The following OR9G1 variants were observed in gnomAD, a reference collection of about 807,000 sequenced individuals.
The protein encoded by OR9G1 is olfactory receptor family 9 subfamily G member 1, also known as olfactory receptor 9G1.
A neutral mutation model predicts 14.5 loss-of-function variants in OR9G1; 21 were observed. That is an observed-to-expected ratio of 1.45 (90% confidence interval 1.03 to 2.09). The LOEUF (loss-of-function observed/expected upper bound fraction) is 2.09. Ranked by LOEUF, OR9G1 falls within the 30% of genes most tolerant of loss-of-function variation. The pLI is 0.00. For synonymous variants in OR9G1, 179 were observed against 153.3 expected (o/e 1.17, Z -1.24); for missense variants, 476 against 364.2 (o/e 1.31, Z -2.50).
Position 56,701,320 on chromosome 11 carries a change from C to T in OR9G1, c.*15C>T, listed in dbSNP as rs757069162. ...TTCTCCCATAAATCAAGATTATCTC[C>T]ACCAGAGGAGAAACAAAGACGACCT... On this transcript the variant is annotated 3_prime_UTR_variant, in exon 2 of 2. Transcript: ENST00000642097. 1 of 1,582,096 alleles carries T rather than the reference C, an allele frequency of 6.3e-7. No homozygotes were observed. Among genetic ancestry groups the T allele is most frequent in the Non-Finnish European group, 8.5e-7 (1 of 1,169,806 alleles).
In OR9G1 at chr11:56,701,017, A is replaced by T. The variant is rs10792053; in HGVS notation, c.630A>T (p.Ala210=). The T allele has an allele frequency of 6.2e-7, 1 of 1,605,984 alleles. No homozygotes were observed. Among genetic ancestry groups the T allele is most frequent in the Non-Finnish European group, 8.5e-7 (1 of 1,176,034 alleles). ...FLLASNVICP[A]VLILASYLFI... ...TGGCCTCCAATGTCATCTGCCCCGC[A>T]GTGCTCATCCTGGCCTCCTACCTCT... Residue 210 remains alanine, a synonymous_variant, in exon 2 of 2, where the codon GCA becomes GCT. Coordinates refer to ENST00000642097, the MANE Select transcript of OR9G1 (RefSeq NM_001005213.2).
At chr11:56,700,331 G>A in intron 1 of OR9G1, 39 bp from the exon 2 acceptor site, 2 of 1,596,632 alleles carry the variant, frequency 1.3e-6, no homozygotes, top group South Asian at 2.3e-5. Context: ...ACATATTCAT[G>A]ACAGTAATGC....
chr11:56,701,330 G>A lies in OR9G1; in HGVS notation c.*25G>A. 1.3e-6 allele frequency: 2 copies of A among 1,572,696 alleles called. No individual in the cohort carries two copies. Among genetic ancestry groups the A allele is most frequent in the Non-Finnish European group, 1.7e-6 (2 of 1,166,522 alleles). On this transcript the variant is annotated 3_prime_UTR_variant, in exon 2 of 2. Coordinates refer to ENST00000642097, the MANE Select transcript of OR9G1 (RefSeq NM_001005213.2). ...AATCAAGATTATCTCCACCAGAGGA[G>A]AAACAAAGACGACCTTAGATGGAGT...
rs781524500 is a variant in OR9G1 at position 56,701,169 on chromosome 11, C to G, written c.782C>G (p.Pro261Arg). The change falls in exon 2 of 2, where the codon CCC (proline) becomes CGC (arginine). Residue 261 changes from proline (P) to arginine (R), a missense_variant. This residue lies in a region of OR9G1 where 352 missense variants were observed against 211.6 expected (regional missense o/e 1.66). Transcript: ENST00000642097. ...TCCATTCTCTACATCTACGCTCTCC[C>G]CAGATCTAGCTATTCTTTTGATATG... is the stretch of plus-strand genomic sequence containing the variant. ...YGSILYIYAL[P>R]RSSYSFDMDK... 1.1e-5 allele frequency: 18 copies of G among 1,614,314 alleles called. No homozygotes were observed. Among genetic ancestry groups the G allele is most frequent in the African/African-American group, 1.3e-5 (1 of 75,088 alleles).
Position 56,701,172 on chromosome 11 carries a change from G to C in OR9G1, c.785G>C (p.Arg262Thr), listed in dbSNP as rs769664512. The C allele has an allele frequency of 6.2e-6, 10 of 1,614,306 alleles. No individual in the cohort carries two copies. In the East Asian group the frequency reaches 1.3e-4, roughly 22 times the overall value. The change falls in exon 2 of 2, where the codon AGA (arginine) becomes ACA (threonine). Residue 262 changes from arginine to threonine, a missense_variant. This residue lies in a region of OR9G1 where 352 missense variants were observed against 211.6 expected (regional missense o/e 1.66). Transcript: ENST00000642097. ...GSILYIYALP[R>T]SSYSFDMDKI... ...ATTCTCTACATCTACGCTCTCCCCA[G>C]ATCTAGCTATTCTTTTGATATGGAC...
At chr11:56,700,332 A>C in intron 1 of OR9G1, 38 bp from the exon 2 acceptor site, 1 of 1,597,312 alleles carries the variant, frequency 6.3e-7, no homozygotes, top group Non-Finnish European at 8.5e-7. Flanking sequence ...CATATTCATG[A>C]CAGTAATGCA....
chr11:56,700,269 G>C, intron 1 of OR9G1, 101 bp from the exon 2 acceptor site: 1 of 1,460,378 alleles, frequency 6.8e-7, no homozygotes, highest in Non-Finnish European at 9.1e-7. Context: ...TTAGATTGTT[G>C]GTTCTAGACT....
chr11:56,701,362 T>C lies in OR9G1; in HGVS notation c.*57T>C. ...AGACGACCTTAGATGGAGTGTTGTG[T>C]ATTTCAAACAGAGTTACCATTGTGC... On this transcript the variant is annotated 3_prime_UTR_variant, in exon 2 of 2. Coordinates refer to ENST00000642097, the MANE Select transcript of OR9G1 (RefSeq NM_001005213.2). The C allele has an allele frequency of 1.3e-6, 2 of 1,530,154 alleles. No individual in the cohort carries two copies. Among genetic ancestry groups the C allele is most frequent in the Non-Finnish European group, 1.7e-6 (2 of 1,149,658 alleles). The allele number at this position is 1,530,154 out of a possible 1,614,324, so 94.8% of individuals were successfully genotyped here.
In OR9G1 at chr11:56,702,998, C is replaced by T. The variant is rs1857668877; in HGVS notation, c.*1693C>T. 1.3e-5 allele frequency: 1 copy of T among 77,276 alleles called. No individual in the cohort carries two copies. Among genetic ancestry groups the T allele is most frequent in the South Asian group, 4.2e-4 (1 of 2,398 alleles). 4.8% of individuals were successfully genotyped at this position (77,276 alleles called of 1,614,324 possible). On this transcript the variant is annotated 3_prime_UTR_variant, in exon 2 of 2. Coordinates refer to ENST00000642097, the MANE Select transcript of OR9G1 (RefSeq NM_001005213.2). ...GTTCAATCTACAATGTATACATGTA[C>T]TGAAGCATTGTCTTTTACCCCATAC...
intron 1 of OR9G1, among the ~76,000 whole-genome samples, chr11:56,700,050 T>C (rs1401914344): frequency 3.9e-5 from 6 of 152,302 alleles, no homozygotes; most frequent in African/African-American, 9.6e-5. Flanking sequence ...TACTTAAAAA[T>C]AGAAATGTAC....
chr11:56,699,557 T>C (rs1164519834), intron 1 of OR9G1, among the ~76,000 whole-genome samples: 2 of 152,312 alleles, frequency 1.3e-5, no homozygotes, highest in Non-Finnish European at 2.9e-5. Context: ...GAGAAGTTAG[T>C]CTGTCAAGAA....
intron 1 of OR9G1, 51 bp downstream of exon 1, chr11:56,699,241 G>C (rs1162552996): frequency 1.3e-5 from 2 of 152,488 alleles, no homozygotes; most frequent in African/African-American, 4.8e-5. Context: ...GAAGGAGTGA[G>C]AAACTATGAC....
rs764550957 is a variant in OR9G1 at position 56,700,474 on chromosome 11, G to A, written c.87G>A (p.Val29=). Residue 29 remains valine (V), a synonymous_variant, in exon 2 of 2, where the codon GTG becomes GTA. Transcript: ENST00000642097. ...GAATGCAGCTGGGCCTCTTCGTGGT[G>A]TTCCTGGGCGTGTACTCTCTCACTG... The part of the protein sequence containing the change: ...DPGMQLGLFV[V]FLGVYSLTVV... 12 of 1,614,182 alleles carry A rather than the reference G, an allele frequency of 7.4e-6. No individual in the cohort carries two copies. The highest frequency in any genetic ancestry group is 4.0e-5 in the African/African-American group (3 of 74,968).
chr11:56,703,618 A>G lies in OR9G1; in HGVS notation c.*2313A>G, dbSNP rs1402576660. ...TACATCATTCCAGAGGGAAGCATCA[A>G]TTGCAGAAAGTAAAACTGATGTGAC... On this transcript the variant is annotated 3_prime_UTR_variant, in exon 2 of 2. Transcript: ENST00000642097. 1 of 152,324 alleles carries G rather than the reference A, an allele frequency of 6.6e-6. No individual in the cohort carries two copies. Among genetic ancestry groups the G allele is most frequent in the Non-Finnish European group, 1.5e-5 (1 of 68,068 alleles). The allele number at this position is 152,324 out of a possible 1,614,324, so 9.4% of individuals were successfully genotyped here. A position where few individuals can be genotyped will look rare whatever the true frequency, so the allele number is the denominator to read the frequency against.
rs960482743 is a variant in OR9G1, at chr11:56,703,830, T to A, written c.*2525T>A. The A allele has an allele frequency of 1.8e-4, 1 of 5,706 alleles. No homozygotes were observed. Among genetic ancestry groups the A allele is most frequent in the Non-Finnish European group, 4.3e-4 (1 of 2,308 alleles). The allele number at this position is 5,706 out of a possible 1,614,324, so 0.4% of individuals were successfully genotyped here. A position where few individuals can be genotyped will look rare whatever the true frequency, so the allele number is the denominator to read the frequency against. The stretch of plus-strand genomic sequence containing the variant: ...TAAACATAGCTCGCTAAGTGCATAT[T>A]CATATTATTTTATACTTGGAAGTTA... On this transcript the variant is annotated 3_prime_UTR_variant, in exon 2 of 2. Coordinates refer to ENST00000642097, the MANE Select transcript of OR9G1 (RefSeq NM_001005213.2).
rs746649068 is a variant in OR9G1 at position 56,700,547 on chromosome 11, C to T, written c.160C>T (p.Leu54Phe). The T allele has an allele frequency of 7.4e-6, 12 of 1,614,184 alleles. No homozygotes were observed. In the Admixed American group the frequency reaches 2.0e-4, roughly 27 times the overall value. The change falls in exon 2 of 2, where the codon CTC (leucine) becomes TTC (phenylalanine). Residue 54 changes from leucine to phenylalanine, a missense_variant. Leu to Phe is a conservative substitution (Grantham distance 22). This residue lies in a region of OR9G1 where 89 missense variants were observed against 85.1 expected (regional missense o/e 1.05). Coordinates refer to ENST00000642097, the MANE Select transcript of OR9G1 (RefSeq NM_001005213.2). ...LIVLICNDSC[L>F]HTPMYFFTGN... The stretch of plus-strand genomic sequence containing the variant: ...CGTGTTGATCTGTAATGACTCCTGC[C>T]TCCACACACCCATGTATTTTTTCAC...
Position 56,701,127 on chromosome 11 carries a change from T to C in OR9G1, c.740T>C (p.Val247Ala). ...FSTCSSHLTS[V>A]TLYYGSILYI... ...ACATGCTCCTCCCACCTGACCTCTG[T>C]CACTTTATACTATGGCTCCATTCTC... The change falls in exon 2 of 2, where the codon GTC becomes GCC. Residue 247 changes from valine (V) to alanine (A), a missense_variant. Around this residue, in one of 3 missense-constraint regions of OR9G1, gnomAD observed 352 missense variants for 211.6 expected, o/e 1.66. Coordinates refer to ENST00000642097, the MANE Select transcript of OR9G1 (RefSeq NM_001005213.2). 6.2e-7 allele frequency: 1 copy of C among 1,614,318 alleles called. No homozygotes were observed. The highest frequency in any genetic ancestry group is 8.5e-7 in the Non-Finnish European group (1 of 1,180,060).
rs1158280877 is a variant in OR9G1, at chr11:56,701,074, C to T, written c.687C>T (p.Ser229=). ...TCACCAGTGTCTTGAGGATCTCCTC[C>T]TCCAAGGGCTACCTCAAAGCCTTCT... ...FIITSVLRIS[S]SKGYLKAFST... Residue 229 remains serine (S), a synonymous_variant, in exon 2 of 2, where the codon TCC becomes TCT. Transcript: ENST00000642097. The T allele has an allele frequency of 1.2e-6, 2 of 1,614,300 alleles. No individual in the cohort carries two copies. Among genetic ancestry groups the T allele is most frequent in the African/African-American group, 1.3e-5 (1 of 75,088 alleles).
chr11:56,701,093 G>A lies in OR9G1; in HGVS notation c.706G>A (p.Ala236Thr), dbSNP rs1445308682. ...RISSSKGYLKAFSTCSSHLTS... is the reference protein window; with the variant it reads ...RISSSKGYLKTFSTCSSHLTS... Reference sequence around the variant, plus strand: ...CTCCTCCTCCAAGGGCTACCTCAAAGCCTTCTCCACATGCTCCTCCCACCT... The same window carrying A: ...CTCCTCCTCCAAGGGCTACCTCAAAACCTTCTCCACATGCTCCTCCCACCT... Residue 236 changes from alanine to threonine, a missense_variant, in exon 2 of 2, where the codon GCC becomes ACC. Around this residue, in one of 3 missense-constraint regions of OR9G1, gnomAD observed 352 missense variants for 211.6 expected, o/e 1.66. Coordinates refer to ENST00000642097, the MANE Select transcript of OR9G1 (RefSeq NM_001005213.2). 6 of 1,614,296 alleles carry A rather than the reference G, an allele frequency of 3.7e-6. No individual in the cohort carries two copies. The highest frequency in any genetic ancestry group is 3.3e-5 in the Admixed American group (2 of 60,032).
Sources: allele counts gnomAD v4.1 joint callset (sites outside exome capture counted in the v4.1 genomes callset), GRCh38; gene constraint gnomAD v4.1.1; regional missense constraint gnomAD v4.1.1; transcripts MANE v1.5; gene names NCBI Gene and HGNC (gene_info 2026-07-23, HGNC 2026-07-21).